The following RBFOX1 variants were observed in gnomAD, a reference collection of about 807,000 sequenced individuals.
RBFOX1 encodes the protein RNA binding protein fox-1 homolog 1.
In RBFOX1, 8 loss-of-function variants were observed where a neutral mutation model predicts 57.7. That is an observed-to-expected ratio of 0.14 (90% CI 0.08 to 0.25). The LOEUF is 0.25. Ranked by LOEUF, RBFOX1 falls within the 10% of genes least tolerant of loss-of-function variation. The pLI, the probability that RBFOX1 is intolerant of heterozygous loss-of-function variation, is 1.00. For synonymous variants in RBFOX1, 326 were observed against 222.4 expected (o/e 1.47, Z -4.15); for missense variants, 611 against 548.5 (o/e 1.11, Z -1.14).
chr16:6,673,977 G>A (rs191420195), intron 3 of RBFOX1, among the ~76,000 whole-genome samples: 223 of 152,308 alleles, frequency 1.5e-3, no homozygotes, highest in Non-Finnish European at 2.5e-3. Context: ...GAGACTCTAG[G>A]AAGGGAGAAA....
chr16:5,748,124 C>T lies in RBFOX1; in HGVS notation c.319-119179C>T, dbSNP rs185125876. The stretch of plus-strand genomic sequence containing the variant: ...AACATCTTTATTTCTGCCTTCATTT[C>T]GTTATGTACCCAGTAGTCTTTCAGG... On this transcript the variant is annotated intron_variant, in intron 3 of 19. Coordinates refer to the RBFOX1 transcript ENST00000641259. Among the ~76,000 whole-genome samples, 172 of 152,232 alleles carry T rather than the reference C, an allele frequency of 1.1e-3. 1 individual carries two copies. The highest frequency in any genetic ancestry group is 3.3e-3 in the South Asian group (16 of 4,824).
intron 4 of RBFOX1, among the ~76,000 whole-genome samples, chr16:5,871,665 C>T (rs1355134655): frequency 6.6e-6 from 1 of 152,134 alleles, no homozygotes; most frequent in African/African-American, 2.4e-5. Context: ...AGATCTGAGA[C>T]CCAGCCCCAC....
chr16:5,752,465 A>C (rs1315145288), intron 3 of RBFOX1, among the ~76,000 whole-genome samples: 1 of 152,228 alleles, frequency 6.6e-6, no homozygotes, highest in Non-Finnish European at 1.5e-5. Flanking sequence ...CTATTGAAAC[A>C]ATCAACTATT....
intron 14 of RBFOX1, among the ~76,000 whole-genome samples, chr16:7,686,044 A>G (rs752129739): frequency 6.6e-6 from 1 of 152,038 alleles, no homozygotes; most frequent in Non-Finnish European, 1.5e-5. Context: ...TTAATGGATG[A>G]CCATTGCTTC....
intron 7 of RBFOX1, among the ~76,000 whole-genome samples, chr16:7,591,318 C>T (rs1407724697): frequency 1.3e-5 from 2 of 151,990 alleles, no homozygotes; most frequent in Admixed American, 6.6e-5. Flanking sequence ...ATTCTCTGCA[C>T]CAGAAACTAG....
chr16:6,567,611 A>G (rs1264034537), intron 2 of RBFOX1, among the ~76,000 whole-genome samples: 1 of 152,154 alleles, frequency 6.6e-6, no homozygotes, highest in South Asian at 2.1e-4. Context: ...AACAAAGGAA[A>G]GGACCTTGTC....
At chr16:7,036,506 T>A (rs1397677544) in intron 3 of RBFOX1, among the ~76,000 whole-genome samples, 1 of 151,756 alleles carries the variant, frequency 6.6e-6, no homozygotes, top group East Asian at 1.9e-4. Flanking sequence ...GGCAGGAGTT[T>A]GAGACCAGCC....
chr16:5,281,816 T>C (rs572263409), intron 1 of RBFOX1, among the ~76,000 whole-genome samples: 1 of 152,242 alleles, frequency 6.6e-6, no homozygotes, highest in South Asian at 2.1e-4. Flanking sequence ...GTGTGTGTCT[T>C]TACAAGTGAA....
intron 3 of RBFOX1, chr16:6,983,519 A>T (rs2089501241): frequency 1.3e-5 from 2 of 152,134 alleles, no homozygotes; most frequent in Admixed American, 6.5e-5. Context: ...GAGCAATGTA[A>T]GCAATTTTGC....
intron 3 of RBFOX1, among the ~76,000 whole-genome samples, chr16:6,970,020 TA>T (rs547652258): frequency 6.6e-6 from 1 of 151,270 alleles, no homozygotes; most frequent in African/African-American, 2.4e-5. Context: ...AGACCCCATT[TA>T]AAAAAAATTA....
At chr16:7,249,935 T>C (rs901992834) in intron 4 of RBFOX1, among the ~76,000 whole-genome samples, 1 of 152,238 alleles carries the variant, frequency 6.6e-6, no homozygotes, top group Non-Finnish European at 1.5e-5. Context: ...CAGTAGTGTT[T>C]AAGAGACTCT....
chr16:5,687,176 G>A (rs1260341620), intron 3 of RBFOX1, among the ~76,000 whole-genome samples: 2 of 152,142 alleles, frequency 1.3e-5, no homozygotes, highest in East Asian at 3.9e-4. Flanking sequence ...ACTTCTCCCA[G>A]TACAGTGGAA....
chr16:6,540,851 C>G (rs184137820), intron 2 of RBFOX1, among the ~76,000 whole-genome samples: 11 of 152,188 alleles, frequency 7.2e-5, no homozygotes, highest in African/African-American at 2.6e-4. Context: ...ATTACTTTAT[C>G]TCAGATTGTA....
intron 4 of RBFOX1, among the ~76,000 whole-genome samples, chr16:6,005,163 C>T (rs2060670614): frequency 1.3e-5 from 2 of 152,146 alleles, no homozygotes; most frequent in African/African-American, 4.8e-5. Flanking sequence ...CTGAGAAAGT[C>T]ACATGACTTC....
At chr16:6,942,498 T>A (rs2078725245) in intron 3 of RBFOX1, among the ~76,000 whole-genome samples, 1 of 152,116 alleles carries the variant, frequency 6.6e-6, no homozygotes, top group Non-Finnish European at 1.5e-5. Flanking sequence ...CTCCATCTCC[T>A]GGGAGATGAA....
chr16:6,418,556 C>T (rs1363387213), intron 2 of RBFOX1, among the ~76,000 whole-genome samples: 6 of 130,058 alleles, frequency 4.6e-5, no homozygotes. Context: ...CAGAGTCTGG[C>T]TCAGTCACCC....
At chr16:5,627,051 C>T (rs1426680912) in intron 3 of RBFOX1, among the ~76,000 whole-genome samples, 1 of 152,180 alleles carries the variant, frequency 6.6e-6, no homozygotes, top group Non-Finnish European at 1.5e-5. Context: ...AATTAGACAT[C>T]CCGGCTTTGC....
At chr16:7,156,854 G>A (rs564895083) in intron 4 of RBFOX1, among the ~76,000 whole-genome samples, 4 of 152,124 alleles carry the variant, frequency 2.6e-5, no homozygotes, top group South Asian at 2.1e-4. Context: ...TGGCTAGATC[G>A]ATTTACTTTT....
chr16:7,679,120 C>G (rs1266421251), intron 14 of RBFOX1, among the ~76,000 whole-genome samples: 1 of 152,146 alleles, frequency 6.6e-6, no homozygotes, highest in Non-Finnish European at 1.5e-5. Context: ...GGACAGAAAG[C>G]AATCTTTAAA....
Sources: allele counts gnomAD v4.1 joint callset (sites outside exome capture counted in the v4.1 genomes callset), GRCh38; gene constraint gnomAD v4.1.1; transcripts MANE v1.5; gene names NCBI Gene and HGNC (gene_info 2026-07-23, HGNC 2026-07-21).